The following MYO5A variants were observed in gnomAD, a reference collection of about 807,000 sequenced individuals.
MYO5A encodes the protein myosin VA.
In MYO5A, 98 loss-of-function variants were observed where a neutral mutation model predicts 249.7. That is an observed-to-expected ratio of 0.39 (90% CI 0.33 to 0.46). The LOEUF is 0.46. Among genes scored for constraint, MYO5A ranks in the 20% least tolerant of loss-of-function variants. MYO5A has a pLI of 0.98. For synonymous variants in MYO5A, 778 were observed against 810.6 expected (o/e 0.96, Z 0.68); for missense variants, 1,696 against 2,308.8 (o/e 0.73, Z 5.44).
intron 4 of MYO5A, among the ~76,000 whole-genome samples, chr15:52,420,822 G>A (rs2141266723): frequency 6.6e-6 from 1 of 152,308 alleles, no homozygotes. Context: ...GAATAGATCT[G>A]TTAGAATAGG....
chr15:52,499,433 C>T (rs1326524050), intron 1 of MYO5A, among the ~76,000 whole-genome samples: 1 of 152,076 alleles, frequency 6.6e-6, no homozygotes, highest in Admixed American at 6.6e-5. Flanking sequence ...ACCGTCTGTC[C>T]ACAGAACTTT....
intron 1 of MYO5A, among the ~76,000 whole-genome samples, chr15:52,482,537 A>G (rs142457346): frequency 9.2e-5 from 14 of 152,358 alleles, no homozygotes; most frequent in East Asian, 3.9e-4. Flanking sequence ...TACAGACACC[A>G]TAAGTACTGG....
chr15:52,465,801 A>C (rs1415951961), intron 1 of MYO5A, among the ~76,000 whole-genome samples: 3 of 152,204 alleles, frequency 2.0e-5, no homozygotes, highest in African/African-American at 4.8e-5. Flanking sequence ...CAGAAGAACC[A>C]AAATAGTGTG....
intron 1 of MYO5A, chr15:52,437,926 A>T: frequency 1.7e-6 from 1 of 586,764 alleles, no homozygotes; most frequent in Non-Finnish European, 2.1e-6. Flanking sequence ...CAAGATATTT[A>T]AACACTGAAC....
intron 1 of MYO5A, among the ~76,000 whole-genome samples, chr15:52,482,243 A>T (rs1244955861): frequency 6.6e-6 from 1 of 152,190 alleles, no homozygotes; most frequent in Non-Finnish European, 1.5e-5. Flanking sequence ...TTTTCGTTTA[A>T]CATAAATAAA....
chr15:52,366,093 T>G (rs1450390167), intron 23 of MYO5A, among the ~76,000 whole-genome samples: 3 of 152,190 alleles, frequency 2.0e-5, no homozygotes, highest in African/African-American at 7.2e-5. Flanking sequence ...CACCACAGTT[T>G]TAATGGGTAT....
At chr15:52,343,386 T>C (rs574575452) in intron 30 of MYO5A, among the ~76,000 whole-genome samples, 189 bp from the exon 31 acceptor site, 2 of 152,236 alleles carry the variant, frequency 1.3e-5, no homozygotes, top group African/African-American at 4.8e-5. Flanking sequence ...ACATGTAGCA[T>C]CACATGTAAA....
At chr15:52,383,254 T>C (rs2041834961) in intron 15 of MYO5A, 66 bp from the exon 16 acceptor site, 2 of 1,317,024 alleles carry the variant, frequency 1.5e-6, no homozygotes, top group South Asian at 1.2e-5. Flanking sequence ...GGTAAAACAA[T>C]GGGAAATTCC....
intron 1 of MYO5A, among the ~76,000 whole-genome samples, chr15:52,460,328 T>C (rs1003597966): frequency 1.3e-5 from 2 of 152,002 alleles, no homozygotes; most frequent in Non-Finnish European, 2.9e-5. Flanking sequence ...CGATCCGAGA[T>C]CACGCCACTG....
At chr15:52,441,402 T>G (rs1053814983) in intron 1 of MYO5A, among the ~76,000 whole-genome samples, 3 of 152,182 alleles carry the variant, frequency 2.0e-5, no homozygotes, top group African/African-American at 7.2e-5. Context: ...GCCCACCACT[T>G]AGGTTCATAA....
In MYO5A at chr15:52,311,410, T is replaced by C. The variant is rs751480784; in HGVS notation, c.*2286A>G. On this transcript the variant is annotated 3_prime_UTR_variant, in exon 42 of 42. Coordinates refer to ENST00000399233, the MANE Select transcript of MYO5A (RefSeq NM_001382347.1). ...TACGAACCAAATGGCTATGACTTAA[T>C]TGTGCATTGAAAACCGCATTGACAA... The C allele has an allele frequency of 1.3e-4, 20 of 152,170 alleles. No homozygotes were observed. The highest frequency in any genetic ancestry group is 7.2e-4 in the Admixed American group (11 of 15,280). The allele number at this position is 152,170 out of a possible 1,614,324, so 9.4% of individuals were successfully genotyped here.
chr15:52,406,402 G>A (rs1461520121), intron 8 of MYO5A, among the ~76,000 whole-genome samples: 3 of 152,112 alleles, frequency 2.0e-5, no homozygotes, highest in Admixed American at 6.5e-5. Context: ...GATTTAGCAC[G>A]AGAAGAAATG....
intron 9 of MYO5A, among the ~76,000 whole-genome samples, chr15:52,402,344 T>C (rs2042797662): frequency 6.6e-6 from 1 of 152,038 alleles, no homozygotes; most frequent in Non-Finnish European, 1.5e-5. Context: ...TTGGAGTGGG[T>C]GGTGGGCAAA....
chr15:52,452,307 T>A (rs1284816022), intron 1 of MYO5A, among the ~76,000 whole-genome samples: 1 of 152,164 alleles, frequency 6.6e-6, no homozygotes. Context: ...CAAATCTGTC[T>A]GGCACCAAGT....
intron 27 of MYO5A, among the ~76,000 whole-genome samples, chr15:52,351,689 T>C (rs924644266): frequency 2.0e-5 from 3 of 152,226 alleles, no homozygotes; most frequent in Admixed American, 2.0e-4. Flanking sequence ...TCAATGGAAG[T>C]TTGCTTCATC....
chr15:52,375,807 C>T lies in MYO5A; in HGVS notation c.2421-347G>A, dbSNP rs139341394. Reference sequence around the variant, plus strand: ...AGGCCATGCCTCTTTATAGAACAGACAGACATACACAGTAATCTCATACTT... The same window carrying T: ...AGGCCATGCCTCTTTATAGAACAGATAGACATACACAGTAATCTCATACTT... On this transcript the variant is annotated intron_variant, in intron 19 of 41. Transcript: ENST00000399233. Among the ~76,000 whole-genome samples, 4 of 152,344 alleles carry T rather than the reference C, an allele frequency of 2.6e-5. No individual in the cohort carries two copies. In the East Asian group the frequency reaches 7.7e-4, roughly 29 times the overall value.
intron 30 of MYO5A, among the ~76,000 whole-genome samples, chr15:52,345,584 CAA>C (rs71923501): frequency 0.057 from 5,249 of 92,560 alleles, 302 homozygotes; most frequent in African/African-American, 0.16. Flanking sequence ...AACTCCATTT[CAA>C]AAAAAAAAAA....
rs1424854732 is a variant in MYO5A, at chr15:52,308,921, A to G, written c.*4775T>C. ...TACAGATCCTCTTCAACGCGCATGC[A>G]CACGACACCCCTCCTAGCACCCATC... On this transcript the variant is annotated 3_prime_UTR_variant, in exon 42 of 42. Transcript: ENST00000399233. The G allele has an allele frequency of 6.5e-6, 1 of 153,086 alleles. No homozygotes were observed. The highest frequency in any genetic ancestry group is 2.4e-5 in the African/African-American group (1 of 41,470). The allele number at this position is 153,086 out of a possible 1,614,324, so 9.5% of individuals were successfully genotyped here.
intron 35 of MYO5A, among the ~76,000 whole-genome samples, chr15:52,329,985 T>C (rs1249801637): frequency 6.9e-6 from 1 of 145,834 alleles, no homozygotes; most frequent in East Asian, 2.0e-4. Flanking sequence ...GTTTTTTCTT[T>C]TTCTTTTTTT....
Sources: allele counts gnomAD v4.1 joint callset (sites outside exome capture counted in the v4.1 genomes callset), GRCh38; gene constraint gnomAD v4.1.1; transcripts MANE v1.5; gene names NCBI Gene and HGNC (gene_info 2026-07-23, HGNC 2026-07-21).